The following LUC7L2 variants were observed in gnomAD, a reference collection of about 807,000 sequenced individuals.
LUC7L2 encodes the protein putative RNA-binding protein Luc7-like 2.
A neutral mutation model predicts 52.8 loss-of-function variants in LUC7L2; 25 were observed. That is an observed-to-expected ratio of 0.47 (90% CI 0.34 to 0.66). The LOEUF (loss-of-function observed/expected upper bound fraction) is 0.66, where lower values mean the gene tolerates loss of function less well. Among genes scored for constraint, LUC7L2 ranks in the 30% least tolerant of loss-of-function variants. LUC7L2 has a pLI of 0.01. For synonymous variants in LUC7L2, 144 were observed against 160.9 expected (o/e 0.89, Z 0.80); for missense variants, 328 against 497.8 (o/e 0.66, Z 3.25).
rs542859756 is a variant in LUC7L2, at chr7:139,399,726, C to T, written c.255+1029C>T. On this transcript the variant is annotated intron_variant, in intron 3 of 9. Transcript: ENST00000354926. Reference sequence around the variant, plus strand: ...CCGCGTGATCCGCCCGCCTCAGCCTCCCAAAGTGTTGGGATTACAGGCGTG... The same window carrying T: ...CCGCGTGATCCGCCCGCCTCAGCCTTCCAAAGTGTTGGGATTACAGGCGTG... Among the ~76,000 whole-genome samples the T allele has an allele frequency of 3.3e-5, 5 of 152,074 alleles. No individual in the cohort carries two copies. In the East Asian group the frequency reaches 5.8e-4, roughly 18 times the overall value.
intron 5 of LUC7L2, among the ~76,000 whole-genome samples, 173 bp from the exon 6 acceptor site, chr7:139,407,001 G>GTTTTTTTTT (rs58914782): frequency 2.7e-5 from 3 of 110,446 alleles, no homozygotes; most frequent in African/African-American, 6.1e-5. Context: ...TGCTTTTGTG[G>GTTTTTTTTT]TTTTTTTTTT....
At chr7:139,402,364 T>C (rs1794951297) in intron 4 of LUC7L2, 117 bp downstream of exon 4, 3 of 1,021,928 alleles carry the variant, frequency 2.9e-6, no homozygotes, top group Non-Finnish European at 4.1e-6. Context: ...CAAGGAATTC[T>C]GTATACTTTC....
chr7:139,399,550 A>G (rs1794809170), intron 3 of LUC7L2, among the ~76,000 whole-genome samples: 1 of 138,662 alleles, frequency 7.2e-6, no homozygotes. Context: ...GCTCACTGCA[A>G]CCTCTGCCTC....
At chr7:139,420,013 T>C (rs1160526869) in intron 9 of LUC7L2, among the ~76,000 whole-genome samples, 1 of 152,068 alleles carries the variant, frequency 6.6e-6, no homozygotes, top group East Asian at 1.9e-4. Flanking sequence ...CCTTTTATGT[T>C]TTGCTGTTCT....
chr7:139,410,181 C>T (rs1795296908), intron 7 of LUC7L2, among the ~76,000 whole-genome samples: 1 of 151,214 alleles, frequency 6.6e-6, no homozygotes, highest in East Asian at 1.9e-4. Context: ...GCACTCCAGC[C>T]TGGGCGACAG....
rs1794568576 is a variant in LUC7L2 at position 139,394,241 on chromosome 7, T to G, written c.157-4358T>G. 2.0e-5 allele frequency among the ~76,000 whole-genome samples: 3 copies of G among 152,328 alleles called. No homozygotes were observed. The South Asian group carries it at 6.2e-4, about 32-fold the overall frequency. On this transcript the variant is annotated intron_variant, in intron 2 of 9. Coordinates refer to ENST00000354926, the MANE Select transcript of LUC7L2 (RefSeq NM_016019.5). Reference sequence around the variant, plus strand: ...GCCGCCCTGTGCCAAATGTTCTTCTTTGCCCTCTTTCCTAGTTTGATTTAT... The same window carrying G: ...GCCGCCCTGTGCCAAATGTTCTTCTGTGCCCTCTTTCCTAGTTTGATTTAT...
At chr7:139,375,234 T>A in intron 1 of LUC7L2, 2 of 984,606 alleles carry the variant, frequency 2.0e-6, no homozygotes, top group Non-Finnish European at 2.4e-6. Context: ...ACGTTTTGAG[T>A]AGATAGCCAT....
At position 139,398,559 on chromosome 7, in the gene LUC7L2, C is replaced by CT. The variant is rs762901221; in HGVS notation, c.157-32dup. ...GGTTGTTGAAGCATTTTTTAAAAAA[C>CT]TTTTTTTTGTTTTAATATTATGTCT... is the stretch of plus-strand genomic sequence containing the variant. On this transcript the variant is annotated intron_variant, in intron 2 of 9. Coordinates refer to ENST00000354926, the MANE Select transcript of LUC7L2 (RefSeq NM_016019.5). The CT allele has an allele frequency of 4.5e-5, 69 of 1,534,206 alleles. No individual in the cohort carries two copies. The African/African-American group carries it at 4.6e-4, about 10-fold the overall frequency.
rs375801738 is a variant in LUC7L2, at chr7:139,385,601, G to A, written c.156+9445G>A. Among the ~76,000 whole-genome samples the A allele has an allele frequency of 8.5e-5, 13 of 152,196 alleles. No homozygotes were observed. The East Asian group carries it at 2.3e-3, about 27-fold the overall frequency. On this transcript the variant is annotated intron_variant, in intron 2 of 9. Transcript: ENST00000354926. ...CTCTCAAACATGCTGGGATATGGAG[G>A]TGAACAACTGTACCCAGCTGTAAGA... is the stretch of plus-strand genomic sequence containing the variant.
At chr7:139,362,325 T>C (rs1229816907) in intron 1 of LUC7L2, among the ~76,000 whole-genome samples, 2 of 152,296 alleles carry the variant, frequency 1.3e-5, no homozygotes, top group East Asian at 1.9e-4. Flanking sequence ...TTTTTTTTCT[T>C]ACCATTTAAT....
intron 1 of LUC7L2, among the ~76,000 whole-genome samples, chr7:139,373,700 A>T (rs572674282): frequency 7.2e-5 from 11 of 152,038 alleles, no homozygotes; most frequent in African/African-American, 2.7e-4. Context: ...TCAGGGCACA[A>T]TAACTTAATA....
At chr7:139,375,571 G>A in intron 1 of LUC7L2, 1 of 985,466 alleles carries the variant, frequency 1.0e-6, no homozygotes, top group Non-Finnish European at 1.2e-6. Flanking sequence ...GGTTCAGTGG[G>A]GATTCGCAGT....
intron 2 of LUC7L2, among the ~76,000 whole-genome samples, chr7:139,377,010 C>T (rs1569374164): frequency 6.6e-6 from 1 of 152,110 alleles, no homozygotes. Flanking sequence ...TGTATCAAGG[C>T]ATATGCAACA....
At chr7:139,359,664 G>T (rs1019099537), upstream of LUC7L2, 5 of 397,756 alleles carry the variant, frequency 1.3e-5, no homozygotes, top group Non-Finnish European at 2.2e-5. Context: ...CCTACAGCCG[G>T]GAGGGAATGT....
At chr7:139,401,249 A>T (rs1051387162) in intron 3 of LUC7L2, among the ~76,000 whole-genome samples, 4 of 152,300 alleles carry the variant, frequency 2.6e-5, no homozygotes, top group African/African-American at 9.6e-5. Flanking sequence ...TTGGAGAATT[A>T]AAAGAAAAAA....
At chr7:139,363,933 A>G (rs1800006509) in intron 1 of LUC7L2, among the ~76,000 whole-genome samples, 1 of 151,712 alleles carries the variant, frequency 6.6e-6, no homozygotes, top group South Asian at 2.1e-4. Context: ...GATGCAAGCA[A>G]TAAGAATTAA....
intron 1 of LUC7L2, among the ~76,000 whole-genome samples, chr7:139,347,375 G>A (rs1799303189): frequency 6.6e-6 from 1 of 152,090 alleles, no homozygotes; most frequent in African/African-American, 2.4e-5. Flanking sequence ...ATCACCTGAG[G>A]TTGGGAGTTC....
At chr7:139,356,314 CAAAAAAAAAAAAA>C (rs10524961), upstream of LUC7L2, among the ~76,000 whole-genome samples, 28 of 82,968 alleles carry the variant, frequency 3.4e-4, no homozygotes, top group East Asian at 1.0e-3. Context: ...GACCCTATCT[CAAAAAAAAAAAAA>C]AAAAAAAAAA....
chr7:139,392,927 T>G lies in LUC7L2; in HGVS notation c.157-5672T>G, dbSNP rs1004608576. On this transcript the variant is annotated intron_variant, in intron 2 of 9. Coordinates refer to ENST00000354926, the MANE Select transcript of LUC7L2 (RefSeq NM_016019.5). ...CCTCGGCCTCACAAAGTGCTGGAAT[T>G]ATAGGCGTGAGCAACTGCACCCAGC... 2.6e-5 allele frequency among the ~76,000 whole-genome samples: 4 copies of G among 151,962 alleles called. No homozygotes were observed. The East Asian group carries it at 7.8e-4, about 30-fold the overall frequency.
Sources: allele counts gnomAD v4.1 joint callset (sites outside exome capture counted in the v4.1 genomes callset), GRCh38; gene constraint gnomAD v4.1.1; transcripts MANE v1.5; gene names NCBI Gene and HGNC (gene_info 2026-07-23, HGNC 2026-07-21).